Variants in VEPH1 observed in about 807,000 individuals in gnomAD.
VEPH1 encodes the protein ventricular zone-expressed PH domain-containing protein homolog 1.
VEPH1 carries 80 observed loss-of-function variants against 85.2 expected under a neutral mutation model. That is an observed-to-expected ratio of 0.94 (90% confidence interval 0.78 to 1.13). The LOEUF (loss-of-function observed/expected upper bound fraction) is 1.13. Ranked by LOEUF, VEPH1 falls within the 50% of genes most tolerant of loss-of-function variation. VEPH1 has a pLI of 0.00. For synonymous variants in VEPH1, 297 were observed against 348.0 expected (o/e 0.85, Z 1.63); for missense variants, 955 against 980.5 (o/e 0.97, Z 0.35).
At chr3:157,476,413 G>A (rs1472066916) in intron 2 of VEPH1, among the ~76,000 whole-genome samples, 1 of 152,168 alleles carries the variant, frequency 6.6e-6, no homozygotes, top group Non-Finnish European at 1.5e-5. Context: ...TGCTGACATA[G>A]GATTCTACAT....
At chr3:157,439,208 TAA>T (rs1733916657) in intron 4 of VEPH1, among the ~76,000 whole-genome samples, 1 of 152,212 alleles carries the variant, frequency 6.6e-6, no homozygotes, top group Non-Finnish European at 1.5e-5. Flanking sequence ...GCAAACCACG[TAA>T]AGTCATTGTA....
chr3:157,470,356 A>T lies in VEPH1; in HGVS notation c.312T>A (p.Pro104=), dbSNP rs183576016. The change falls in exon 3 of 14, where the codon CCT becomes CCA. Residue 104 remains proline (P), a synonymous_variant. Transcript: ENST00000362010. The part of the protein sequence containing the change: ...LRPFGKDEDT[P]HAKIASDIMS... ...TGATATCAGATGCGATTTTTGCATG[A>T]GGAGTGTCTTCGTCTTTCCCAAAGG... 4 of 1,614,064 alleles carry T rather than the reference A, an allele frequency of 2.5e-6. No homozygotes were observed. The Admixed American group carries it at 6.7e-5, about 27-fold the overall frequency.
intron 12 of VEPH1, among the ~76,000 whole-genome samples, chr3:157,273,079 G>A (rs537013231): frequency 1.8e-4 from 27 of 152,246 alleles, no homozygotes; most frequent in Admixed American, 3.3e-4. Context: ...ATCTCCTGGC[G>A]GTGGAATTGA....
chr3:157,389,278 T>C (rs1355386891), intron 6 of VEPH1, among the ~76,000 whole-genome samples: 1 of 152,092 alleles, frequency 6.6e-6, no homozygotes, highest in Non-Finnish European at 1.5e-5. Context: ...TTAGGAACAC[T>C]AGAGAGCACT....
chr3:157,428,679 G>A (rs1158842340), intron 4 of VEPH1, among the ~76,000 whole-genome samples, 191 bp from the exon 5 acceptor site: 2 of 152,114 alleles, frequency 1.3e-5, no homozygotes, highest in Non-Finnish European at 2.9e-5. Context: ...TCCACAAAAG[G>A]AAATATTTTA....
intron 9 of VEPH1, among the ~76,000 whole-genome samples, chr3:157,348,012 G>T (rs913845833): frequency 7.2e-5 from 11 of 152,164 alleles, no homozygotes; most frequent in Non-Finnish European, 1.3e-4. Context: ...GTCCCACACT[G>T]GGGGTCCATC....
intron 11 of VEPH1, among the ~76,000 whole-genome samples, chr3:157,299,559 C>CAAAAAAA (rs10535235): frequency 2.9e-5 from 3 of 103,096 alleles, no homozygotes; most frequent in Admixed American, 1.0e-4. Flanking sequence ...GGCCCTGTCT[C>CAAAAAAA]AAAAAAAAAA....
Position 157,317,051 on chromosome 3 carries a change from A to G in VEPH1, c.1875+11T>C. ...TCATTAAAGAGCCTGATGAACACAA[A>G]TTATACAAACCTGCTGAAATAGAAA... is the stretch of plus-strand genomic sequence containing the variant. On this transcript the variant is annotated intron_variant, in intron 10 of 13. Coordinates refer to ENST00000362010, the MANE Select transcript of VEPH1 (RefSeq NM_001167912.2). The G allele has an allele frequency of 6.2e-7, 1 of 1,605,702 alleles. No individual in the cohort carries two copies. Among genetic ancestry groups the G allele is most frequent in the Non-Finnish European group, 8.5e-7 (1 of 1,176,492 alleles).
chr3:157,483,361 A>G (rs1738313529), intron 2 of VEPH1, among the ~76,000 whole-genome samples: 1 of 152,152 alleles, frequency 6.6e-6, no homozygotes, highest in African/African-American at 2.4e-5. Flanking sequence ...ACTTATGCTG[A>G]ACTTAAAAAT....
At chr3:157,420,222 A>C (rs536798125) in intron 5 of VEPH1, among the ~76,000 whole-genome samples, 7 of 152,232 alleles carry the variant, frequency 4.6e-5, no homozygotes, top group African/African-American at 1.4e-4. Flanking sequence ...TAGTTAATGC[A>C]TGCTTGGCTT....
chr3:157,328,058 C>T (rs1372535466), intron 9 of VEPH1, among the ~76,000 whole-genome samples: 1 of 152,138 alleles, frequency 6.6e-6, no homozygotes. Flanking sequence ...CTCTGTGGCT[C>T]AATTGGGAAC....
chr3:157,434,271 G>A (rs986340513), intron 4 of VEPH1, among the ~76,000 whole-genome samples: 1 of 151,946 alleles, frequency 6.6e-6, no homozygotes. Context: ...CATAGCTTTT[G>A]TAAGTGATGT....
intron 9 of VEPH1, among the ~76,000 whole-genome samples, chr3:157,327,186 C>T (rs1359444609): frequency 6.6e-6 from 1 of 152,158 alleles, no homozygotes; most frequent in Non-Finnish European, 1.5e-5. Flanking sequence ...ACACACCACA[C>T]CCCTATCCAG....
chr3:157,270,980 AG>A (rs1714472065), intron 12 of VEPH1, among the ~76,000 whole-genome samples: 1 of 152,162 alleles, frequency 6.6e-6, no homozygotes, highest in Non-Finnish European at 1.5e-5. Context: ...AGTGCAGAAA[AG>A]GATCAGATAG....
At chr3:157,342,352 C>CA (rs1203903396) in intron 9 of VEPH1, among the ~76,000 whole-genome samples, 48 of 151,394 alleles carry the variant, frequency 3.2e-4, no homozygotes, top group African/African-American at 7.8e-4. Flanking sequence ...AAATGGAAAA[C>CA]AAAAAAAAGG....
chr3:157,416,796 AGAAAGAGAGAAAG>A (rs1188064346), intron 5 of VEPH1, among the ~76,000 whole-genome samples: 4 of 152,270 alleles, frequency 2.6e-5, no homozygotes, highest in African/African-American at 9.6e-5. Flanking sequence ...AGAGAAATAA[AGAAAGAGAGAAAG>A]GAAAGAGAAA....
chr3:157,322,221 T>C (rs1721428219), intron 9 of VEPH1, among the ~76,000 whole-genome samples: 1 of 152,230 alleles, frequency 6.6e-6, no homozygotes, highest in Non-Finnish European at 1.5e-5. Flanking sequence ...AGTTGTTCTT[T>C]TGTTCTGGCT....
intron 9 of VEPH1, among the ~76,000 whole-genome samples, chr3:157,327,810 T>C (rs1019099236): frequency 1.3e-5 from 2 of 152,214 alleles, no homozygotes; most frequent in Non-Finnish European, 2.9e-5. Flanking sequence ...AGAGTACGAC[T>C]TGCCCATTAA....
At chr3:157,472,562 G>T (rs956313695) in intron 2 of VEPH1, among the ~76,000 whole-genome samples, 1 of 152,046 alleles carries the variant, frequency 6.6e-6, no homozygotes, top group African/African-American at 2.4e-5. Context: ...GTGCAAGTTT[G>T]TTATTTAGGT....
Sources: allele counts gnomAD v4.1 joint callset (sites outside exome capture counted in the v4.1 genomes callset), GRCh38; gene constraint gnomAD v4.1.1; transcripts MANE v1.5; gene names NCBI Gene and HGNC (gene_info 2026-07-23, HGNC 2026-07-21).